The following RASGRF2 variants were observed in gnomAD, a reference collection of about 807,000 sequenced individuals.
The protein encoded by RASGRF2 is Ras protein specific guanine nucleotide releasing factor 2.
In RASGRF2, 76 loss-of-function variants were observed where a neutral mutation model predicts 151.0. The observed-to-expected ratio is 0.50, with a 90% CI of 0.42 to 0.61. RASGRF2 has a LOEUF of 0.61. Ranked by LOEUF, RASGRF2 falls within the 20% of genes least tolerant of loss-of-function variation. RASGRF2 has a pLI of 0.00. For synonymous variants in RASGRF2, 504 were observed against 566.5 expected (o/e 0.89, Z 1.57); for missense variants, 1,148 against 1,564.6 (o/e 0.73, Z 4.49).
At chr5:81,201,106 ACCCCCTGGGGAGCCC>A (rs1184981993) in intron 18 of RASGRF2, among the ~76,000 whole-genome samples, 2 of 151,938 alleles carry the variant, frequency 1.3e-5, no homozygotes, top group Non-Finnish European at 2.9e-5. Context: ...GCACATTTGC[ACCCCCTGGGGAGCCC>A]CCAGGGGAGC....
intron 25 of RASGRF2, 97 bp from the exon 26 acceptor site, chr5:81,219,613 C>A: frequency 1.0e-6 from 1 of 1,003,296 alleles, no homozygotes. Context: ...GGGACTGACC[C>A]TTCTGGGAAG....
At chr5:81,096,570 T>A (rs1380883077) in intron 12 of RASGRF2, 1 of 152,162 alleles carries the variant, frequency 6.6e-6, no homozygotes, top group Non-Finnish European at 1.5e-5. Context: ...TAGGCAAAGG[T>A]GTTTTTCCAC....
intron 1 of RASGRF2, among the ~76,000 whole-genome samples, chr5:81,030,552 G>A (rs1750203141): frequency 6.6e-6 from 1 of 152,162 alleles, no homozygotes; most frequent in African/African-American, 2.4e-5. Context: ...GCCAAACTAA[G>A]CTTCATAACT....
At chr5:81,128,646 G>GGGC (rs1486056670) in intron 17 of RASGRF2, among the ~76,000 whole-genome samples, 1 of 152,140 alleles carries the variant, frequency 6.6e-6, no homozygotes, top group South Asian at 2.1e-4. Flanking sequence ...GAGCCGAGCG[G>GGGC]TGCAGCTATT....
Position 81,182,189 on chromosome 5 carries a change from G to A in RASGRF2, c.2793+1908G>A, listed in dbSNP as rs564578413. Reference sequence around the variant, plus strand: ...TCCTCAGACTCTCCCTCCAGCAGGGGCATAGGTGAGTGATGTAAATAGCTC... The same window carrying A: ...TCCTCAGACTCTCCCTCCAGCAGGGACATAGGTGAGTGATGTAAATAGCTC... On this transcript the variant is annotated intron_variant, in intron 18 of 26. Transcript: ENST00000265080. Among the ~76,000 whole-genome samples, 91 of 152,284 alleles carry A rather than the reference G, an allele frequency of 6.0e-4. 1 individual carries two copies. Among genetic ancestry groups the A allele is most frequent in the African/African-American group, 2.1e-3 (89 of 41,578 alleles).
At chr5:81,078,905 T>C (rs1752011691) in intron 5 of RASGRF2, among the ~76,000 whole-genome samples, 1 of 152,162 alleles carries the variant, frequency 6.6e-6, no homozygotes, top group South Asian at 2.1e-4. Flanking sequence ...GAACATAGAC[T>C]AGATCCAGAG....
intron 4 of RASGRF2, 120 bp from the exon 5 acceptor site, chr5:81,073,079 C>A (rs1751827459): frequency 1.6e-6 from 2 of 1,233,278 alleles, no homozygotes; most frequent in Non-Finnish European, 2.2e-6. Flanking sequence ...GAATCCTTAT[C>A]AATTTTAGAG....
rs529921894 is a variant in RASGRF2, at chr5:81,122,702, G to A, written c.2471-940G>A. Among the ~76,000 whole-genome samples, 15 of 152,282 alleles carry A rather than the reference G, an allele frequency of 9.9e-5. 1 individual carries two copies. In the South Asian group the frequency reaches 3.1e-3, roughly 32 times the overall value. On this transcript the variant is annotated intron_variant, in intron 15 of 26. Coordinates refer to ENST00000265080, the MANE Select transcript of RASGRF2 (RefSeq NM_006909.3). ...TGGGAATTAATGAAAAGCCCAAGAA[G>A]AATGGAAGAATCGTTGGAAATGTAT...
At chr5:81,054,103 T>G (rs1475982928) in intron 2 of RASGRF2, among the ~76,000 whole-genome samples, 4 of 152,258 alleles carry the variant, frequency 2.6e-5, no homozygotes, top group African/African-American at 9.6e-5. Flanking sequence ...GTAGTTTCTT[T>G]TGCTGTGCAG....
At chr5:81,010,094 C>T (rs1749407678) in intron 1 of RASGRF2, among the ~76,000 whole-genome samples, 1 of 149,958 alleles carries the variant, frequency 6.7e-6, no homozygotes, top group Non-Finnish European at 1.5e-5. Flanking sequence ...AGGTAGGTTG[C>T]AGTGAGCTGA....
rs779871084 is a variant in RASGRF2 at position 81,225,819 on chromosome 5, CA to C, written c.*50del. 1.9e-6 allele frequency: 3 copies of C among 1,589,594 alleles called. No individual in the cohort carries two copies. The highest frequency in any genetic ancestry group is 2.6e-6 in the Non-Finnish European group (3 of 1,169,430). On this transcript the variant is annotated 3_prime_UTR_variant, in exon 27 of 27. Coordinates refer to ENST00000265080, the MANE Select transcript of RASGRF2 (RefSeq NM_006909.3). ...CACGGGATGTTCATGGAAAGCAGGA[CA>C]GACAGAATTGTGTATGCCTTGCCTA...
rs896127210 is a variant in RASGRF2, at chr5:80,990,776, A to G, written c.288+29750A>G. ...GGGAATTCCTTGGTGTAAATCTGGG[A>G]ATGAGCACAGGTAAGGACAGTGACT... On this transcript the variant is annotated intron_variant, in intron 1 of 26. Coordinates refer to ENST00000265080, the MANE Select transcript of RASGRF2 (RefSeq NM_006909.3). Among the ~76,000 whole-genome samples the G allele has an allele frequency of 7.2e-5, 11 of 152,150 alleles. No homozygotes were observed. The East Asian group carries it at 9.7e-4, about 13-fold the overall frequency.
At chr5:81,068,390 CTTT>C (rs57789740) in intron 3 of RASGRF2, among the ~76,000 whole-genome samples, 25,345 of 142,552 alleles carry the variant, frequency 0.18, 2,396 homozygotes, top group East Asian at 0.38. Flanking sequence ...GGATAATGTG[CTTT>C]TTTTTTTTTT....
At chr5:81,048,377 C>T (rs1362000068) in intron 2 of RASGRF2, among the ~76,000 whole-genome samples, 1 of 152,134 alleles carries the variant, frequency 6.6e-6, no homozygotes, top group Non-Finnish European at 1.5e-5. Flanking sequence ...CTTTTACAGC[C>T]TACAGAGTGC....
chr5:80,988,014 T>C (rs1456323561), intron 1 of RASGRF2, among the ~76,000 whole-genome samples: 3 of 48,614 alleles, frequency 6.2e-5, no homozygotes, highest in South Asian at 4.8e-4. Context: ...TGTGCGTGTG[T>C]GTGTGTGTGT....
chr5:81,166,959 T>C (rs1263798102), intron 17 of RASGRF2, among the ~76,000 whole-genome samples: 2 of 152,128 alleles, frequency 1.3e-5, no homozygotes, highest in Non-Finnish European at 2.9e-5. Context: ...TGCAGAGAGC[T>C]TTTGAAAGAA....
At chr5:81,225,536 T>C (rs1293785167) in intron 26 of RASGRF2, 142 bp from the exon 27 acceptor site, 15 of 1,179,620 alleles carry the variant, frequency 1.3e-5, no homozygotes, top group Non-Finnish European at 1.7e-5. Flanking sequence ...TTTTTAACAA[T>C]GGAAACATAT....
At chr5:81,109,414 C>G (rs1018682286) in intron 13 of RASGRF2, among the ~76,000 whole-genome samples, 2 of 152,104 alleles carry the variant, frequency 1.3e-5, no homozygotes, top group Non-Finnish European at 2.9e-5. Flanking sequence ...CCCAGCACTT[C>G]GGAGGCCGAG....
At chr5:81,006,914 C>G (rs1194376235) in intron 1 of RASGRF2, among the ~76,000 whole-genome samples, 1 of 152,158 alleles carries the variant, frequency 6.6e-6, no homozygotes, top group Non-Finnish European at 1.5e-5. Flanking sequence ...TCTGCGGGCC[C>G]ACGAGACATT....
Sources: allele counts gnomAD v4.1 joint callset (sites outside exome capture counted in the v4.1 genomes callset), GRCh38; gene constraint gnomAD v4.1.1; transcripts MANE v1.5; gene names NCBI Gene and HGNC (gene_info 2026-07-23, HGNC 2026-07-21).